Variants in BICRAL observed in about 807,000 individuals in gnomAD.
BICRAL encodes the protein BRD4-interacting chromatin-remodeling complex-associated protein-like.
In BICRAL, 8 loss-of-function variants were observed where a neutral mutation model predicts 91.8. That is an observed-to-expected ratio of 0.09 (90% CI 0.05 to 0.16). The LOEUF (loss-of-function observed/expected upper bound fraction) is 0.16, where lower values mean the gene tolerates loss of function less well. BICRAL is among the 10% of genes least tolerant of loss of function. The probability of loss-of-function intolerance (pLI) is 1.00; values close to 1 mark genes in which losing one functional copy is unlikely to be tolerated. For missense variants in BICRAL, 1,038 were observed against 1,310.9 expected (o/e 0.79, Z 3.21); for synonymous variants, 445 against 491.1 (o/e 0.91, Z 1.24).
intron 6 of BICRAL, among the ~76,000 whole-genome samples, chr6:42,844,773 C>G (rs1306687994): frequency 2.6e-5 from 4 of 151,930 alleles, no homozygotes; most frequent in Non-Finnish European, 4.4e-5. Flanking sequence ...AGAGCAATAG[C>G]TATGAGGATG....
intron 10 of BICRAL, among the ~76,000 whole-genome samples, chr6:42,857,614 A>AAAATATATAT: frequency 1.2e-3 from 118 of 96,188 alleles, no homozygotes; most frequent in African/African-American, 2.9e-3. Context: ...AAAAAAAAAA[A>AAAATATATAT]ATATATATAT....
At chr6:42,784,337 AAG>A (rs1349084109) in intron 1 of BICRAL, among the ~76,000 whole-genome samples, 7 of 152,176 alleles carry the variant, frequency 4.6e-5, no homozygotes, top group Non-Finnish European at 8.8e-5. Context: ...TATTATTGAA[AAG>A]AGGAGGGGAA....
chr6:42,822,722 T>C, intron 3 of BICRAL, 74 bp from the exon 4 acceptor site: 1 of 757,572 alleles, frequency 1.3e-6, no homozygotes, highest in Non-Finnish European at 2.3e-6. Context: ...CTTTCTACTC[T>C]AGTAAAAATT....
At chr6:42,825,135 C>G (rs957373031) in intron 5 of BICRAL, among the ~76,000 whole-genome samples, 83 of 151,886 alleles carry the variant, frequency 5.5e-4, no homozygotes, top group African/African-American at 1.9e-3. Flanking sequence ...TGGCGTGTGC[C>G]TGTAATCCCA....
intron 6 of BICRAL, among the ~76,000 whole-genome samples, chr6:42,837,489 C>T (rs1328193581): frequency 2.6e-5 from 4 of 151,630 alleles, no homozygotes; most frequent in Non-Finnish European, 4.4e-5. Flanking sequence ...TGTTGACTCA[C>T]GCCTGTAATC....
chr6:42,773,874 G>A (rs1470091648), intron 1 of BICRAL, among the ~76,000 whole-genome samples: 8 of 152,204 alleles, frequency 5.3e-5, no homozygotes, highest in Admixed American at 1.3e-4. Flanking sequence ...GGGCTTAAGC[G>A]ATCAGAGCAA....
intron 1 of BICRAL, among the ~76,000 whole-genome samples, chr6:42,787,565 C>T (rs1411916317): frequency 6.6e-6 from 1 of 151,792 alleles, no homozygotes; most frequent in African/African-American, 2.4e-5. Flanking sequence ...ACACTAACAA[C>T]GGCTAAAGCT....
At chr6:42,856,399 G>C (rs1399030819) in intron 9 of BICRAL, among the ~76,000 whole-genome samples, 1 of 94,912 alleles carries the variant, frequency 1.1e-5, no homozygotes, top group Admixed American at 1.5e-4. Context: ...TTTTGAGACA[G>C]AGTCTTGCTC....
chr6:42,801,808 A>G (rs1021761500), intron 1 of BICRAL, among the ~76,000 whole-genome samples: 2 of 151,740 alleles, frequency 1.3e-5, no homozygotes, highest in African/African-American at 4.8e-5. Flanking sequence ...GCTTGAACCC[A>G]GGAGGCCAAG....
intron 5 of BICRAL, among the ~76,000 whole-genome samples, chr6:42,823,420 C>G (rs1764200586): frequency 6.6e-6 from 1 of 152,118 alleles, no homozygotes; most frequent in Non-Finnish European, 1.5e-5. Flanking sequence ...CTGTGCCCAG[C>G]CTGTTGTAAT....
At chr6:42,861,905 A>G (rs1177894902) in intron 11 of BICRAL, among the ~76,000 whole-genome samples, 2 of 152,210 alleles carry the variant, frequency 1.3e-5, no homozygotes, top group African/African-American at 4.8e-5. Flanking sequence ...AGGCTGAGAC[A>G]GGAGAATTGC....
chr6:42,856,948 C>T (rs1249148593), intron 9 of BICRAL, 143 bp from the exon 10 acceptor site: 2 of 650,866 alleles, frequency 3.1e-6, no homozygotes, highest in Admixed American at 3.1e-5. Flanking sequence ...AAGTTATAAA[C>T]CCACTATGGT....
At chr6:42,761,024 T>C (rs1182521992) in intron 1 of BICRAL, among the ~76,000 whole-genome samples, 2 of 151,600 alleles carry the variant, frequency 1.3e-5, no homozygotes, top group East Asian at 3.9e-4. Flanking sequence ...TCAGCCTGGG[T>C]GATAGAGTGA....
intron 6 of BICRAL, among the ~76,000 whole-genome samples, chr6:42,842,030 G>A (rs1425600485): frequency 1.3e-5 from 2 of 152,142 alleles, no homozygotes; most frequent in Non-Finnish European, 2.9e-5. Flanking sequence ...CCAGCGAGTG[G>A]TTTCTGAGCT....
At chr6:42,821,342 G>GTA (rs1764131264) in intron 2 of BICRAL, 3 of 152,370 alleles carry the variant, frequency 2.0e-5, no homozygotes. Flanking sequence ...GGGATCTCGG[G>GTA]GCCTGGAGCT....
chr6:42,819,345 G>A (rs932848230), intron 2 of BICRAL, among the ~76,000 whole-genome samples: 1 of 152,086 alleles, frequency 6.6e-6, no homozygotes, highest in Admixed American at 6.5e-5. Context: ...GAGTGCAGTG[G>A]CATGATCTCG....
chr6:42,830,111 A>G lies in BICRAL; in HGVS notation c.1778A>G (p.Lys593Arg), dbSNP rs193921035. The G allele has an allele frequency of 1.3e-5, 21 of 1,614,128 alleles. No homozygotes were observed. The highest frequency in any genetic ancestry group is 1.7e-5 in the Non-Finnish European group (20 of 1,179,958). ...VSHRLPVSSSKSTSTFSNTPG... is the reference protein window; with the variant it reads ...VSHRLPVSSSRSTSTFSNTPG... ...CATCGTCTTCCAGTTTCTTCTTCCA[A>G]GTCTACCAGCACCTTCAGTAACACA... Residue 593 changes from lysine to arginine, a missense_variant, in exon 6 of 13, where the codon AAG becomes AGG. By Grantham distance (26) the Lys-to-Arg change is conservative (BLOSUM62 2). Around this residue, in one of 5 missense-constraint regions of BICRAL, gnomAD observed 532 missense variants for 724.9 expected, o/e 0.73. Coordinates refer to ENST00000314073, the MANE Select transcript of BICRAL (RefSeq NM_001393499.1).
At chr6:42,817,477 CTT>C (rs1278866567) in intron 2 of BICRAL, among the ~76,000 whole-genome samples, 38 of 140,792 alleles carry the variant, frequency 2.7e-4, no homozygotes, top group Admixed American at 6.5e-4. Context: ...TACAAGAACT[CTT>C]TTTTTTTTTT....
rs554042260 is a variant in BICRAL at position 42,800,207 on chromosome 6, G to A, written c.-101-10099G>A. On this transcript the variant is annotated intron_variant, in intron 1 of 12. Coordinates refer to ENST00000314073, the MANE Select transcript of BICRAL (RefSeq NM_001393499.1). ...ATCCTTCCGAGTAGCTGGGATTACC[G>A]GTGCCTGCCACCATGCCCAGCTAAT... 2.4e-4 allele frequency among the ~76,000 whole-genome samples: 36 copies of A among 152,232 alleles called. No homozygotes were observed. The South Asian group carries it at 7.2e-3, about 31-fold the overall frequency.
Sources: gnomAD v4.1 joint callset for allele counts (sites outside exome capture counted in the v4.1 genomes callset) on GRCh38, gnomAD v4.1.1 for gene constraint, gnomAD v4.1.1 regional missense constraint, MANE v1.5 for transcripts, NCBI Gene and HGNC (gene_info 2026-07-23, HGNC 2026-07-21) for gene names.